The following PCDH11X variants were observed in gnomAD, a reference collection of about 807,000 sequenced individuals.
PCDH11X encodes protocadherin-11 X-linked.
In PCDH11X, 18 loss-of-function variants were observed where a neutral mutation model predicts 53.3. That is an observed-to-expected ratio of 0.34 (90% CI 0.23 to 0.50). PCDH11X has a LOEUF of 0.50. Ranked by LOEUF, PCDH11X falls within the 20% of genes least tolerant of loss-of-function variation. The pLI is 0.98. For missense variants in PCDH11X, 570 were observed against 1,032.4 expected (o/e 0.55, Z 6.14); for synonymous variants, 279 against 393.3 (o/e 0.71, Z 3.44).
chrX:92,000,345 G>T (rs71218212), intron 6 of PCDH11X, among the ~76,000 whole-genome samples: 1 of 110,906 alleles, frequency 9.0e-6, no homozygotes, highest in African/African-American at 3.3e-5. Flanking sequence ...TACAGCATAC[G>T]ATGAAATAAA....
chrX:92,403,302 T>TACTGGGATATGTGTCC (rs200032599), intron 9 of PCDH11X, among the ~76,000 whole-genome samples: 10,819 of 103,418 alleles, frequency 0.1, 1,180 homozygotes, highest in East Asian at 0.6. Context: ...TATACGTGTG[T>TACTGGGATATGTGTCC]ACTGGGATAT....
At chrX:92,330,236 C>T (rs2069432773) in intron 8 of PCDH11X, among the ~76,000 whole-genome samples, 1 of 110,886 alleles carries the variant, frequency 9.0e-6, no homozygotes. Context: ...ATATAAAGTA[C>T]TCTCAAACCT....
chrX:91,894,800 A>G (rs1940673667), intron 6 of PCDH11X, among the ~76,000 whole-genome samples: 1 of 111,347 alleles, frequency 9.0e-6, no homozygotes, highest in Admixed American at 9.6e-5. Flanking sequence ...TAGACTTGCA[A>G]CATATCCTTT....
chrX:92,255,713 G>T (rs2067562423), intron 7 of PCDH11X, among the ~76,000 whole-genome samples: 1 of 112,176 alleles, frequency 8.9e-6, no homozygotes, highest in African/African-American at 3.2e-5. Context: ...TGAGGTGTCA[G>T]TGTGCCCCTA....
chrX:92,484,094 G>A (rs1348357370), intron 10 of PCDH11X, among the ~76,000 whole-genome samples: 2 of 100,061 alleles, frequency 2.0e-5, no homozygotes, highest in Non-Finnish European at 4.0e-5. Context: ...CTCTGTGTGT[G>A]TGTGTGTGTG....
chrX:91,858,586 G>A (rs777554076), intron 5 of PCDH11X, among the ~76,000 whole-genome samples: 3 of 110,063 alleles, frequency 2.7e-5, no homozygotes, highest in Non-Finnish European at 5.7e-5. Context: ...TGACAATACC[G>A]AAGTCATTTC....
intron 6 of PCDH11X, chrX:92,114,569 A>G (rs774973423): frequency 1.7e-5 from 7 of 414,241 alleles, no homozygotes; most frequent in Non-Finnish European, 2.9e-5. Context: ...AAACTTTTCT[A>G]ACTTTTAAAA....
chrX:92,574,968 G>A (rs1024976076), intron 10 of PCDH11X, among the ~76,000 whole-genome samples: 7 of 110,481 alleles, frequency 6.3e-5, no homozygotes, highest in African/African-American at 2.3e-4. Context: ...CAAACATACG[G>A]TAATGCTATT....
intron 8 of PCDH11X, among the ~76,000 whole-genome samples, chrX:92,317,110 A>T (rs1182984629): frequency 9.0e-6 from 1 of 111,396 alleles, no homozygotes; most frequent in Non-Finnish European, 1.9e-5. Context: ...TATGATGCGG[A>T]CAAGAGTGAA....
intron 6 of PCDH11X, among the ~76,000 whole-genome samples, chrX:92,172,060 A>G (rs748129848): frequency 1.7e-3 from 184 of 106,104 alleles, no homozygotes; most frequent in South Asian, 5.1e-3. Context: ...GATTTTCTAT[A>G]TATAAGATCC....
chrX:92,272,878 A>G (rs1024596053), intron 8 of PCDH11X, among the ~76,000 whole-genome samples: 1 of 112,612 alleles, frequency 8.9e-6, no homozygotes, highest in African/African-American at 3.2e-5. Flanking sequence ...TGATACAATT[A>G]GCTTAATTTC....
rs775407463 is a variant in PCDH11X at position 92,169,727 on chromosome X, A to G, written c.3034-31648A>G. Among the ~76,000 whole-genome samples, 263 of 109,662 alleles carry G rather than the reference A, an allele frequency of 2.4e-3. 1 individual carries two copies. Among genetic ancestry groups the G allele is most frequent in the Non-Finnish European group, 2.5e-3 (132 of 52,552 alleles). Reference sequence around the variant, plus strand: ...ATTTATTGGGTGCTTATTATAAGCCAGGAACTGTGCTAAACAGTAATGACA... The same window carrying G: ...ATTTATTGGGTGCTTATTATAAGCCGGGAACTGTGCTAAACAGTAATGACA... On this transcript the variant is annotated intron_variant, in intron 6 of 10. Transcript: ENST00000682573.
chrX:91,805,388 T>C (rs1275200945), intron 1 of PCDH11X, among the ~76,000 whole-genome samples: 1 of 111,961 alleles, frequency 8.9e-6, no homozygotes, highest in Non-Finnish European at 1.9e-5. Flanking sequence ...TGTATGCGTG[T>C]ATTTTTAAAA....
intron 7 of PCDH11X, among the ~76,000 whole-genome samples, chrX:92,232,030 C>T (rs2067084383): frequency 8.9e-6 from 1 of 111,849 alleles, no homozygotes; most frequent in Non-Finnish European, 1.9e-5. Flanking sequence ...CCATATACTG[C>T]TCCAAATGTT....
intron 9 of PCDH11X, among the ~76,000 whole-genome samples, chrX:92,421,070 G>T (rs919478708): frequency 8.1e-5 from 9 of 111,094 alleles, no homozygotes; most frequent in African/African-American, 3.0e-4. Context: ...TGTCATCTCC[G>T]TTCTGCTCTC....
chrX:92,013,869 T>A (rs1396195387), intron 6 of PCDH11X, among the ~76,000 whole-genome samples: 1 of 111,641 alleles, frequency 9.0e-6, no homozygotes. Context: ...TTACACCTTA[T>A]ACAAAAATGA....
chrX:91,821,574 C>G (rs1453026944), intron 4 of PCDH11X, among the ~76,000 whole-genome samples: 9 of 107,926 alleles, frequency 8.3e-5, no homozygotes, highest in African/African-American at 3.1e-4. Flanking sequence ...AGATTTTGGG[C>G]TGAGACAATG....
chrX:92,401,540 A>G (rs1190539219), intron 9 of PCDH11X, among the ~76,000 whole-genome samples: 2 of 111,662 alleles, frequency 1.8e-5, no homozygotes, highest in African/African-American at 6.5e-5. Flanking sequence ...TTTCATTGTA[A>G]TATTTTAAGG....
rs138111592 is a variant in PCDH11X, at chrX:91,879,273, G to T, written c.3033G>T (p.Pro1011=). The change falls in exon 6 of 11, where the codon CCG becomes CCT. Residue 1011 remains proline, a splice_region_variant and synonymous_variant. Transcript: ENST00000682573. ...FEVPVSVHTR[P]PMKEVVRSCT... ...TACCTGTGTCCGTACACACCAGACC[G>T]GTAGGTATCCAAGTTTCTAACACAA... The T allele has an allele frequency of 3.3e-6, 4 of 1,211,137 alleles. No homozygotes were observed. The highest frequency in any genetic ancestry group is 4.5e-6 in the Non-Finnish European group (4 of 895,340).
Sources: allele counts gnomAD v4.1 joint callset (sites outside exome capture counted in the v4.1 genomes callset), GRCh38; gene constraint gnomAD v4.1.1; transcripts MANE v1.5; gene names NCBI Gene and HGNC (gene_info 2026-07-23, HGNC 2026-07-21).